The following DNAJC11 variants were observed in gnomAD, a reference collection of about 807,000 sequenced individuals.
DNAJC11 encodes the protein dnaJ homolog subfamily C member 11.
In DNAJC11, 15 loss-of-function variants were observed where a neutral mutation model predicts 78.6. The ratio of observed to expected loss-of-function variants is 0.19; its 90% confidence interval spans 0.13 to 0.29. DNAJC11 has a LOEUF of 0.29. Ranked by LOEUF, DNAJC11 falls within the 10% of genes least tolerant of loss-of-function variation. The pLI is 1.00. For synonymous variants in DNAJC11, 292 were observed against 272.1 expected, an observed-to-expected ratio of 1.07 and a Z score of -0.72; for missense variants, 547 against 709.6, an observed-to-expected ratio of 0.77 and a Z score of 2.60.
chr1:6,645,699 G>A lies in DNAJC11; in HGVS notation c.894+90C>T, dbSNP rs1641953921. On this transcript the variant is annotated intron_variant, in intron 8 of 15. Coordinates refer to ENST00000377577, the MANE Select transcript of DNAJC11 (RefSeq NM_018198.4). This position sits in a 1 kb window ranked among gnomAD's most constrained non-coding sequence, Gnocchi z 4.1. ...ATGGGCTTAGACTTAGTGGTGATCA[G>A]GACGCAGGATTTAAGGGGAGCACTG... 3 of 1,452,050 alleles carry A rather than the reference G, an allele frequency of 2.1e-6. No homozygotes were observed. In the African/African-American group the frequency reaches 4.2e-5, roughly 20 times the overall value. The allele number at this position is 1,452,050 out of a possible 1,614,324, so 89.9% of individuals were successfully genotyped here.
intron 2 of DNAJC11, among the ~76,000 whole-genome samples, chr1:6,679,094 C>A (rs1380242856): frequency 6.6e-6 from 1 of 152,172 alleles, no homozygotes; most frequent in Non-Finnish European, 1.5e-5. Context: ...TGGGAAAGGA[C>A]ATGAACGTTG....
Position 6,645,931 on chromosome 1 carries a change from C to T in DNAJC11, c.752G>A (p.Arg251Gln), listed in dbSNP as rs1055716587. ...CALQFSSRGIRPGLTTVLARN... is the reference protein window; with the variant it reads ...CALQFSSRGIQPGLTTVLARN... ...AGCTAGGACAGTGGTCAGGCCGGGT[C>T]GGATTCCACGGGATGAAAACTGCAG... is the stretch of plus-strand genomic sequence containing the variant. Residue 251 changes from arginine (R) to glutamine (Q), a missense_variant, in exon 8 of 16, where the codon CGA (arginine) becomes CAA (glutamine). Arg to Gln is a conservative substitution (Grantham distance 43). Transcript: ENST00000377577. This position sits in a 1 kb window ranked among gnomAD's most constrained non-coding sequence, Gnocchi z 4.1. 22 of 1,613,986 alleles carry T rather than the reference C, an allele frequency of 1.4e-5. No homozygotes were observed. The highest frequency in any genetic ancestry group is 2.2e-5 in the East Asian group (1 of 44,896).
chr1:6,643,732 A>G (rs1404756078), intron 10 of DNAJC11, among the ~76,000 whole-genome samples: 2 of 152,160 alleles, frequency 1.3e-5, no homozygotes, highest in African/African-American at 2.4e-5. Context: ...CTGCCAGGCC[A>G]GTGACTCCAG....
chr1:6,634,746 G>C lies in DNAJC11; in HGVS notation c.*929C>G, dbSNP rs1299889572. 1 of 1,350,370 alleles carries C rather than the reference G, an allele frequency of 7.4e-7. No homozygotes were observed. Among genetic ancestry groups the C allele is most frequent in the East Asian group, 4.7e-5 (1 of 21,274 alleles). The allele number at this position is 1,350,370 out of a possible 1,614,324, so 83.6% of individuals were successfully genotyped here. A position where few individuals can be genotyped will look rare whatever the true frequency, so the allele number is the denominator to read the frequency against. ...AGCACAGGCCCTGGTGTTCCTGTGAGGACGCTGGACCTGCAGGAGCGGGGA... is the reference window on the plus strand; with the variant it reads ...AGCACAGGCCCTGGTGTTCCTGTGACGACGCTGGACCTGCAGGAGCGGGGA... On this transcript the variant is annotated 3_prime_UTR_variant, in exon 16 of 16. Transcript: ENST00000377577.
At chr1:6,679,406 C>T (rs943186698) in intron 2 of DNAJC11, among the ~76,000 whole-genome samples, 6 of 152,212 alleles carry the variant, frequency 3.9e-5, no homozygotes, top group Admixed American at 2.6e-4. Context: ...ACGGTGAGGG[C>T]TGTTCAAACG....
intron 1 of DNAJC11, among the ~76,000 whole-genome samples, chr1:6,700,323 A>C: frequency 6.6e-6 from 1 of 152,070 alleles, no homozygotes; most frequent in Non-Finnish European, 1.5e-5. Context: ...CTCTTTTCGG[A>C]CTCAGCCCAT....
rs560700918 is a variant in DNAJC11, at chr1:6,660,704, T to C, written c.379-6665A>G. On this transcript the variant is annotated intron_variant, in intron 4 of 15. Transcript: ENST00000377577. ...AACGAAAGATGACCATTTTCCCTGA[T>C]TCCCCCCTTTCGTAGCTAGCACATT... Among the ~76,000 whole-genome samples, 85 of 152,308 alleles carry C rather than the reference T, an allele frequency of 5.6e-4. 1 individual carries two copies. The South Asian group carries it at 0.017, about 30-fold the overall frequency.
intron 1 of DNAJC11, among the ~76,000 whole-genome samples, chr1:6,686,149 G>A (rs910495388): frequency 1.3e-5 from 2 of 152,034 alleles, no homozygotes; most frequent in Non-Finnish European, 2.9e-5. Flanking sequence ...ACTAAATATC[G>A]ATAGCTATAA....
chr1:6,696,840 G>C (rs1358335097), intron 1 of DNAJC11, among the ~76,000 whole-genome samples: 2 of 152,152 alleles, frequency 1.3e-5, no homozygotes, highest in Non-Finnish European at 2.9e-5. Context: ...GGCTCCTTAA[G>C]GTTAAAACAA....
rs752844444 is a variant in DNAJC11 at position 6,637,292 on chromosome 1, C to A, written c.1430G>T (p.Ser477Ile). ...AWYGKFVNDKSRKSEKVKVID... is the reference protein window; with the variant it reads ...AWYGKFVNDKIRKSEKVKVID... ...CACCTTCACCTTCTCGCTCTTCCTG[C>A]TCTTGTCATTGACAAACTTCCCGTA... Residue 477 changes from serine (S) to isoleucine (I), a missense_variant, in exon 14 of 16, where the codon AGC becomes ATC. Physicochemically the swap from Ser to Ile is moderately radical, Grantham distance 142. Transcript: ENST00000377577. 6 of 1,614,186 alleles carry A rather than the reference C, an allele frequency of 3.7e-6. No homozygotes were observed. Among genetic ancestry groups the A allele is most frequent in the Non-Finnish European group, 4.2e-6 (5 of 1,180,044 alleles).
intron 1 of DNAJC11, among the ~76,000 whole-genome samples, chr1:6,699,130 T>C (rs2147889532): frequency 6.6e-6 from 1 of 151,834 alleles, no homozygotes; most frequent in East Asian, 1.9e-4. Flanking sequence ...AGAGACCCTG[T>C]CTCTACAAAA....
rs1435070369 is a variant in DNAJC11, at chr1:6,635,007, C to T, written c.*668G>A. On this transcript the variant is annotated 3_prime_UTR_variant, in exon 16 of 16. Coordinates refer to ENST00000377577, the MANE Select transcript of DNAJC11 (RefSeq NM_018198.4). Reference sequence around the variant, plus strand: ...GGAAGCCACCTGTGTCAGGGCTAGGCCCTGGGATCGGGAGTTACACTACCC... The same window carrying T: ...GGAAGCCACCTGTGTCAGGGCTAGGTCCTGGGATCGGGAGTTACACTACCC... The T allele has an allele frequency of 3.6e-6, 2 of 552,970 alleles. No individual in the cohort carries two copies. The highest frequency in any genetic ancestry group is 2.0e-5 in the African/African-American group (1 of 50,870). 34.3% of individuals were successfully genotyped at this position (552,970 alleles called of 1,614,324 possible).
rs558222069 is a variant in DNAJC11 at position 6,636,176 on chromosome 1, C to T, written c.1595G>A (p.Arg532Gln). The T allele has an allele frequency of 3.7e-6, 6 of 1,614,122 alleles. No homozygotes were observed. The highest frequency in any genetic ancestry group is 1.1e-5 in the South Asian group (1 of 91,078). The change falls in exon 15 of 16, where the codon CGG becomes CAG. Residue 532 changes from arginine to glutamine, a missense_variant. Physicochemically the swap from Arg to Gln is conservative, Grantham distance 43. Transcript: ENST00000377577. ...EKNLKVLYQF[R>Q]GVLHQVMVLD... ...CACCATCACCTGATGCAGGACGCCCCGGAACTGATAGAGCACTTTCAGGTT... is the reference window on the plus strand; with the variant it reads ...CACCATCACCTGATGCAGGACGCCCTGGAACTGATAGAGCACTTTCAGGTT...
intron 7 of DNAJC11, among the ~76,000 whole-genome samples, chr1:6,648,354 C>A (rs1351702691): frequency 6.6e-6 from 1 of 152,214 alleles, no homozygotes; most frequent in East Asian, 1.9e-4. Context: ...CAGGGTTTCA[C>A]CATGTTGGCC....
intron 11 of DNAJC11, among the ~76,000 whole-genome samples, chr1:6,638,599 C>T (rs1170027290): frequency 3.3e-5 from 5 of 152,220 alleles, no homozygotes; most frequent in Non-Finnish European, 7.3e-5. Context: ...ACCAAGCTGA[C>T]GGGACACCGA....
chr1:6,656,667 C>T (rs1019787825), intron 4 of DNAJC11, among the ~76,000 whole-genome samples: 2 of 151,286 alleles, frequency 1.3e-5, no homozygotes, highest in African/African-American at 4.9e-5. Context: ...TTGCTTGAGC[C>T]CAGGAGTTCG....
intron 1 of DNAJC11, among the ~76,000 whole-genome samples, chr1:6,690,577 GA>G (rs1642729060): frequency 6.6e-6 from 1 of 152,204 alleles, no homozygotes; most frequent in East Asian, 1.9e-4. Flanking sequence ...AATGCTCCTT[GA>G]TGCTTAAACA....
chr1:6,673,195 C>CAAAAAAAA (rs70981399), intron 3 of DNAJC11, among the ~76,000 whole-genome samples: 6 of 39,286 alleles, frequency 1.5e-4, no homozygotes, highest in East Asian at 1.8e-3. Context: ...AACTCCATCT[C>CAAAAAAAA]AAAAAAAAAA....
chr1:6,634,238 T>C lies in DNAJC11; in HGVS notation c.*1437A>G, dbSNP rs1247502797. On this transcript the variant is annotated 3_prime_UTR_variant, in exon 16 of 16. Transcript: ENST00000377577. ...TCGACTGCAAATGAAACGCAGAGGA[T>C]GGGTGCCCAGAAGCACCTGCGGCAG... The C allele has an allele frequency of 7.8e-6, 7 of 892,116 alleles. No individual in the cohort carries two copies. Among genetic ancestry groups the C allele is most frequent in the African/African-American group, 3.4e-5 (2 of 59,500 alleles). 55.3% of individuals were successfully genotyped at this position (892,116 alleles called of 1,614,324 possible).
Sources: allele counts gnomAD v4.1 joint callset (sites outside exome capture counted in the v4.1 genomes callset), GRCh38; gene constraint gnomAD v4.1.1; non-coding constraint Gnocchi (gnomAD v3.1); transcripts MANE v1.5; gene names NCBI Gene and HGNC (gene_info 2026-07-23, HGNC 2026-07-21).